The following TEX264 variants were observed in gnomAD, a reference collection of about 807,000 sequenced individuals.
TEX264 encodes the protein testis expressed 264, ER-phagy receptor, also known as testis-expressed protein 264.
TEX264 carries 13 observed loss-of-function variants against 23.4 expected under a neutral mutation model. That is an observed-to-expected ratio of 0.56 (90% CI 0.36 to 0.88). The LOEUF (loss-of-function observed/expected upper bound fraction) is 0.88. Among genes scored for constraint, TEX264 ranks in the 40% least tolerant of loss-of-function variants. TEX264 has a pLI of 0.01. For synonymous variants in TEX264, 159 were observed against 170.0 expected (o/e 0.94, Z 0.50); for missense variants, 340 against 406.8 (o/e 0.84, Z 1.41).
intron 2 of TEX264, among the ~76,000 whole-genome samples, chr3:51,679,851 T>A (rs1249792211): frequency 6.6e-6 from 1 of 152,184 alleles, no homozygotes; most frequent in Non-Finnish European, 1.5e-5. Context: ...AGAATGAGGC[T>A]TGTCCTCTGG....
chr3:51,685,231 A>AT (rs1377255726), intron 3 of TEX264, among the ~76,000 whole-genome samples: 10 of 152,198 alleles, frequency 6.6e-5, no homozygotes, highest in Non-Finnish European at 1.5e-4. Flanking sequence ...GTCTACAGAA[A>AT]TTTTTTTAAA....
At chr3:51,685,818 G>C (rs1702602686) in intron 3 of TEX264, among the ~76,000 whole-genome samples, 1 of 152,248 alleles carries the variant, frequency 6.6e-6, no homozygotes, top group African/African-American at 2.4e-5. Context: ...AGTGGTGGCA[G>C]CTTGGGCAGG....
At chr3:51,693,245 G>C (rs1242247280) in intron 3 of TEX264, among the ~76,000 whole-genome samples, 1 of 152,192 alleles carries the variant, frequency 6.6e-6, no homozygotes. Flanking sequence ...AAAGTCTTCA[G>C]GCAGTGGCGG....
chr3:51,687,872 A>G (rs778023114), intron 3 of TEX264, among the ~76,000 whole-genome samples: 8 of 152,062 alleles, frequency 5.3e-5, no homozygotes, highest in African/African-American at 9.7e-5. Context: ...GCCCAAGGAG[A>G]AGCACTTGTC....
chr3:51,674,735 C>T (rs912842091), intron 2 of TEX264, among the ~76,000 whole-genome samples, 173 bp downstream of exon 2: 3 of 152,222 alleles, frequency 2.0e-5, no homozygotes, highest in Non-Finnish European at 4.4e-5. Flanking sequence ...GACTTCTGCT[C>T]CCGGCATCCA....
intron 3 of TEX264, among the ~76,000 whole-genome samples, chr3:51,693,775 C>T (rs185816451): frequency 1.6e-4 from 25 of 152,104 alleles, no homozygotes; most frequent in Admixed American, 1.3e-4. Flanking sequence ...CCACCACTCC[C>T]GGCCTCCATT....
At chr3:51,690,883 A>T (rs1022779754) in intron 3 of TEX264, among the ~76,000 whole-genome samples, 5 of 152,148 alleles carry the variant, frequency 3.3e-5, no homozygotes, top group Admixed American at 6.5e-5. Context: ...AGGTCAAGGG[A>T]TGGAGCGGTA....
At chr3:51,689,944 G>T (rs1559678073) in intron 3 of TEX264, among the ~76,000 whole-genome samples, 1 of 152,154 alleles carries the variant, frequency 6.6e-6, no homozygotes, top group African/African-American at 2.4e-5. Flanking sequence ...CTGGGGTGGT[G>T]GTGACTGAAC....
At chr3:51,698,967 A>G (rs1284428714) in intron 3 of TEX264, among the ~76,000 whole-genome samples, 1 of 151,968 alleles carries the variant, frequency 6.6e-6, no homozygotes, top group Non-Finnish European at 1.5e-5. Context: ...CAGGGTGGAG[A>G]GGAGGTCAGG....
At chr3:51,694,625 T>TACCGATTTGTGTAGCC (rs1702985954) in intron 3 of TEX264, 1 of 152,256 alleles carries the variant, frequency 6.6e-6, no homozygotes, top group East Asian at 1.9e-4. Flanking sequence ...AGAGGGAAGC[T>TACCGATTTGTGTAGCC]ACCGATTTGT....
chr3:51,691,026 G>C lies in TEX264; in HGVS notation c.480+6392G>C, dbSNP rs1232959704. ...TTGTCATCAATTTGGGATATGCTCGGGATGGTGCCCCAGGGTGGGCTTTCT... is the reference window on the plus strand; with the variant it reads ...TTGTCATCAATTTGGGATATGCTCGCGATGGTGCCCCAGGGTGGGCTTTCT... On this transcript the variant is annotated intron_variant, in intron 3 of 4. Transcript: ENST00000341333. The surrounding 1 kb of genome is among the most constrained non-coding windows in gnomAD (Gnocchi z 4.4). 2.0e-5 allele frequency among the ~76,000 whole-genome samples: 3 copies of C among 152,202 alleles called. No individual in the cohort carries two copies. The highest frequency in any genetic ancestry group is 4.4e-5 in the Non-Finnish European group (3 of 68,032).
chr3:51,703,380 C>A lies in TEX264; in HGVS notation c.650-344C>A, dbSNP rs1425154455. On this transcript the variant is annotated intron_variant, in intron 4 of 4. Coordinates refer to ENST00000341333, the MANE Select transcript of TEX264 (RefSeq NM_015926.6). The surrounding 1 kb of genome is among the most constrained non-coding windows in gnomAD (Gnocchi z 4.8). ...CTCTTTGTTCTACCTCAGCTCCTCACCTCAGGGCTGAGTGGCCCTTAATAA... is the reference window on the plus strand; with the variant it reads ...CTCTTTGTTCTACCTCAGCTCCTCAACTCAGGGCTGAGTGGCCCTTAATAA... Among the ~76,000 whole-genome samples the A allele has an allele frequency of 6.6e-6, 1 of 152,150 alleles. No individual in the cohort carries two copies. Among genetic ancestry groups the A allele is most frequent in the Non-Finnish European group, 1.5e-5 (1 of 68,034 alleles).
intron 1 of TEX264, among the ~76,000 whole-genome samples, chr3:51,672,914 C>T (rs1484679250): frequency 6.6e-6 from 1 of 152,142 alleles, no homozygotes; most frequent in Non-Finnish European, 1.5e-5. Flanking sequence ...TTACTGGAGA[C>T]AAGATGAGTA....
At chr3:51,677,219 T>C (rs1023458345) in intron 2 of TEX264, among the ~76,000 whole-genome samples, 1 of 152,214 alleles carries the variant, frequency 6.6e-6, no homozygotes. Context: ...TTAACAAATA[T>C]CTGAGCACCT....
chr3:51,677,805 T>G (rs1235946594), intron 2 of TEX264, among the ~76,000 whole-genome samples: 1 of 152,174 alleles, frequency 6.6e-6, no homozygotes, highest in East Asian at 1.9e-4. Context: ...CCTGGAGTCC[T>G]GTATGGGAAG....
intron 2 of TEX264, among the ~76,000 whole-genome samples, chr3:51,680,791 A>G (rs1436971231): frequency 1.3e-5 from 2 of 152,060 alleles, no homozygotes; most frequent in African/African-American, 2.4e-5. Context: ...AAATACAGAT[A>G]CTCATTGAGC....
rs552662723 is a variant in TEX264 at position 51,679,507 on chromosome 3, T to G, written c.259-4906T>G. Among the ~76,000 whole-genome samples the G allele has an allele frequency of 2.0e-5, 3 of 152,286 alleles. No individual in the cohort carries two copies. The East Asian group carries it at 5.8e-4, about 29-fold the overall frequency. ...CCGGGACTCCTGGATGCCCCTGGGTTGTGTGGCGCAGCTCTGAAGCTGGTC... is the reference window on the plus strand; with the variant it reads ...CCGGGACTCCTGGATGCCCCTGGGTGGTGTGGCGCAGCTCTGAAGCTGGTC... On this transcript the variant is annotated intron_variant, in intron 2 of 4. Coordinates refer to ENST00000341333, the MANE Select transcript of TEX264 (RefSeq NM_015926.6).
chr3:51,682,506 G>C (rs1702465042), intron 2 of TEX264: 1 of 152,266 alleles, frequency 6.6e-6, no homozygotes. Context: ...TCAGAGGTTT[G>C]GGTGGTCGGG....
At chr3:51,693,572 C>G (rs543524657) in intron 3 of TEX264, among the ~76,000 whole-genome samples, 1 of 151,684 alleles carries the variant, frequency 6.6e-6, no homozygotes, top group Non-Finnish European at 1.5e-5. Context: ...CTCTGCCTCC[C>G]GGATTCAAGC....
Sources: allele counts gnomAD v4.1 joint callset (sites outside exome capture counted in the v4.1 genomes callset), GRCh38; gene constraint gnomAD v4.1.1; non-coding constraint Gnocchi (gnomAD v3.1); transcripts MANE v1.5; gene names NCBI Gene and HGNC (gene_info 2026-07-23, HGNC 2026-07-21).